The following MASTL variants were observed in gnomAD, a reference collection of about 807,000 sequenced individuals.
The protein encoded by MASTL is serine/threonine-protein kinase greatwall.
Under a neutral mutation model 82.5 loss-of-function variants are expected in MASTL, and 54 were observed. That is an observed-to-expected ratio of 0.65 (90% CI 0.53 to 0.82). The LOEUF (loss-of-function observed/expected upper bound fraction) is 0.82. MASTL is among the 40% of genes least tolerant of loss of function. The pLI is 0.00. For synonymous variants in MASTL, 323 were observed against 368.9 expected (o/e 0.88, Z 1.43); for missense variants, 950 against 1,047.8 (o/e 0.91, Z 1.29).
At chr10:27,162,357 A>G (rs190232009) in intron 4 of MASTL, among the ~76,000 whole-genome samples, 25 of 152,320 alleles carry the variant, frequency 1.6e-4, no homozygotes, top group Non-Finnish European at 2.6e-4. Context: ...ATTGATTATC[A>G]ACTTAGAAAC....
rs2057894572 is a variant in MASTL at position 27,170,500 on chromosome 10, CT to C, written c.1542del (p.Asp515IlefsTer13). ...ANKENIVNSF[T>X]DKQQTPEKLP... Reference sequence around the variant, plus strand: ...AAGGAGAACATTGTCAATTCTTTTACTGATAAACAACAAACACCAGAAAAAT... The same window carrying C: ...AAGGAGAACATTGTCAATTCTTTTACGATAAACAACAAACACCAGAAAAAT... On this transcript the variant is annotated frameshift_variant, in exon 8 of 12. Coordinates refer to ENST00000375940, the MANE Select transcript of MASTL (RefSeq NM_001172303.3). LOFTEE classifies it high-confidence loss of function. 1 of 1,613,878 alleles carries C rather than the reference CT, an allele frequency of 6.2e-7. No individual in the cohort carries two copies. Among genetic ancestry groups the C allele is most frequent in the Non-Finnish European group, 8.5e-7 (1 of 1,179,976 alleles).
At chr10:27,155,183 T>G, upstream of MASTL, 11 of 542,790 alleles carry the variant, frequency 2.0e-5, no homozygotes, top group East Asian at 9.7e-5. Context: ...TCCTCCCTCA[T>G]GAGGAATGAT....
intron 7 of MASTL, among the ~76,000 whole-genome samples, chr10:27,169,040 A>AG (rs2057831536): frequency 6.6e-6 from 1 of 152,018 alleles, no homozygotes; most frequent in African/African-American, 2.4e-5. Context: ...GTTGGAATTC[A>AG]GAAAAAAAAA....
intron 1 of MASTL, among the ~76,000 whole-genome samples, chr10:27,157,994 T>A (rs2135957356): frequency 6.6e-6 from 1 of 152,356 alleles, no homozygotes; most frequent in African/African-American, 2.4e-5. Context: ...TCTATTAATA[T>A]GCAGGGCAGT....
At chr10:27,172,076 C>T (rs1047601301) in intron 8 of MASTL, among the ~76,000 whole-genome samples, 1 of 151,894 alleles carries the variant, frequency 6.6e-6, no homozygotes, top group Non-Finnish European at 1.5e-5. Flanking sequence ...ATCTGCCTGC[C>T]TTGGCCTCCC....
At chr10:27,156,065 C>A (rs2057360831) in intron 1 of MASTL, among the ~76,000 whole-genome samples, 1 of 151,580 alleles carries the variant, frequency 6.6e-6, no homozygotes, top group African/African-American at 2.4e-5. Flanking sequence ...AGTGCAGTGG[C>A]GCAATCTCGA....
intron 6 of MASTL, 27 bp from the exon 7 acceptor site, chr10:27,167,075 G>C (rs755208922): frequency 4.4e-6 from 7 of 1,593,554 alleles, no homozygotes; most frequent in Admixed American, 3.3e-5. Context: ...CTGTAACATG[G>C]AATTCAATAT....
chr10:27,155,217 C>T, upstream of MASTL: 1 of 594,880 alleles, frequency 1.7e-6, no homozygotes, highest in Non-Finnish European at 3.0e-6. Flanking sequence ...CGGTCGCCGC[C>T]CACGAAGAGT....
At chr10:27,174,590 A>G (rs1564499219) in intron 9 of MASTL, among the ~76,000 whole-genome samples, 1 of 152,118 alleles carries the variant, frequency 6.6e-6, no homozygotes, top group Admixed American at 6.6e-5. Flanking sequence ...TGAAACCTGT[A>G]GGGAAATCCT....
intron 9 of MASTL, among the ~76,000 whole-genome samples, chr10:27,180,460 C>T (rs1246055952): frequency 4.6e-5 from 7 of 152,130 alleles, no homozygotes; most frequent in Non-Finnish European, 8.8e-5. Context: ...GGCGTGATCT[C>T]GGCTCACTGC....
chr10:27,164,100 C>A (rs944222142), intron 4 of MASTL, among the ~76,000 whole-genome samples: 4 of 152,096 alleles, frequency 2.6e-5, no homozygotes, highest in African/African-American at 9.7e-5. Context: ...GCCACCACAC[C>A]CAGCTAATTT....
intron 7 of MASTL, among the ~76,000 whole-genome samples, chr10:27,168,593 G>C (rs2057813450): frequency 6.6e-6 from 1 of 152,180 alleles, no homozygotes; most frequent in African/African-American, 2.4e-5. Context: ...AAAGTGGGTA[G>C]ATCACCTGAG....
At chr10:27,172,233 C>A (rs1041085788) in intron 8 of MASTL, among the ~76,000 whole-genome samples, 1 of 152,088 alleles carries the variant, frequency 6.6e-6, no homozygotes, top group African/African-American at 2.4e-5. Context: ...AAATGTGTAA[C>A]CCCTGAATTT....
intron 2 of MASTL, 137 bp downstream of exon 2, chr10:27,158,823 G>A (rs1564481201): frequency 1.2e-6 from 1 of 849,526 alleles, no homozygotes; most frequent in African/African-American, 1.7e-5. Context: ...AAATTTACCT[G>A]TTATATTAGT....
chr10:27,181,850 G>A (rs1177808366), intron 11 of MASTL, among the ~76,000 whole-genome samples: 1 of 152,110 alleles, frequency 6.6e-6, no homozygotes, highest in Non-Finnish European at 1.5e-5. Context: ...CGAGGCAGGC[G>A]GATCACGAGA....
chr10:27,178,835 T>C (rs117127234), intron 9 of MASTL, among the ~76,000 whole-genome samples: 3,232 of 152,292 alleles, frequency 0.021, 42 homozygotes, highest in Middle Eastern at 0.041. Flanking sequence ...TTCTCAGTGC[T>C]GCTTGAAAGG....
At position 27,167,085 on chromosome 10, in the gene MASTL, T is replaced by C. The variant is rs368556907; in HGVS notation, c.812-17T>C. ...GAAAGCTGTAACATGGAATTCAATA[T>C]TGTCTCTTCTCTATAGGTCTTGAAA... is the stretch of plus-strand genomic sequence containing the variant. On this transcript the variant is annotated splice_polypyrimidine_tract_variant and intron_variant, in intron 6 of 11. Transcript: ENST00000375940. 4 of 1,604,972 alleles carry C rather than the reference T, an allele frequency of 2.5e-6. No individual in the cohort carries two copies. Among genetic ancestry groups the C allele is most frequent in the Admixed American group, 1.7e-5 (1 of 59,914 alleles).
chr10:27,186,965 T>TAAA lies in MASTL; in HGVS notation c.*429_*430insAAA, dbSNP rs1333383807. The TAAA allele has an allele frequency of 4.1e-6, 1 of 243,140 alleles. No homozygotes were observed. 15.1% of individuals were successfully genotyped at this position (243,140 alleles called of 1,614,324 possible). On this transcript the variant is annotated 3_prime_UTR_variant, in exon 12 of 12. Coordinates refer to ENST00000375940, the MANE Select transcript of MASTL (RefSeq NM_001172303.3). ...CATATGATTACCTTCAAAAGCTGTG[T>TAAA]TCTTGAGGGCAATCATTTAAGGCCA...
chr10:27,159,540 TA>T lies in MASTL; in HGVS notation c.325-77del. On this transcript the variant is annotated intron_variant, in intron 2 of 11. Coordinates refer to ENST00000375940, the MANE Select transcript of MASTL (RefSeq NM_001172303.3). This position sits in a 1 kb window ranked among gnomAD's most constrained non-coding sequence, Gnocchi z 4.0. ...CATTACAGAGCCATGCCAAATATTG[TA>T]ACTGTAATGCCCAAATACTAGATTT... is the stretch of plus-strand genomic sequence containing the variant. The T allele has an allele frequency of 9.8e-7, 1 of 1,020,528 alleles. No individual in the cohort carries two copies. The highest frequency in any genetic ancestry group is 1.6e-5 in the African/African-American group (1 of 62,186). 63.2% of individuals were successfully genotyped at this position (1,020,528 alleles called of 1,614,324 possible). A position where few individuals can be genotyped will look rare whatever the true frequency, so the allele number is the denominator to read the frequency against.
Sources: gnomAD v4.1 joint callset for allele counts (sites outside exome capture counted in the v4.1 genomes callset) on GRCh38, gnomAD v4.1.1 for gene constraint, Gnocchi (gnomAD v3.1) non-coding constraint, MANE v1.5 for transcripts, NCBI Gene and HGNC (gene_info 2026-07-23, HGNC 2026-07-21) for gene names.